Variants in DRC3 observed in about 807,000 individuals in gnomAD.
DRC3 encodes the protein leucine rich repeat containing 48.
DRC3 carries 45 observed loss-of-function variants against 57.6 expected under a neutral mutation model. The ratio of observed to expected loss-of-function variants is 0.78; its 90% CI spans 0.62 to 1.00. The LOEUF (loss-of-function observed/expected upper bound fraction) is 1.00. Among genes scored for constraint, DRC3 ranks in the 50% least tolerant of loss-of-function variants. The probability of loss-of-function intolerance (pLI) is 0.00; values close to 1 mark genes in which losing one functional copy is unlikely to be tolerated. For missense variants in DRC3, 655 were observed against 675.2 expected, an observed-to-expected ratio of 0.97 and a Z score of 0.33; for synonymous variants, 257 against 272.3, an observed-to-expected ratio of 0.94 and a Z score of 0.55.
intron 5 of DRC3, 137 bp from the exon 6 acceptor site, chr17:17,992,628 C>T (rs2043283452): frequency 2.2e-6 from 2 of 910,840 alleles, no homozygotes; most frequent in African/African-American, 3.4e-5. Flanking sequence ...CGCCTGCACA[C>T]TGCCTGTCAC....
At chr17:18,005,417 C>A (rs991436253) in intron 10 of DRC3, 4 of 152,368 alleles carry the variant, frequency 2.6e-5, no homozygotes, top group African/African-American at 9.7e-5. Context: ...CCCCTGCCCA[C>A]CTTGCAGCCC....
chr17:18,005,819 ACT>A, intron 10 of DRC3: 1 of 266,184 alleles, frequency 3.8e-6, no homozygotes, highest in Non-Finnish European at 7.4e-6. Context: ...AGCTCACTCC[ACT>A]GTTTCCCTGG....
intron 4 of DRC3, among the ~76,000 whole-genome samples, chr17:17,985,966 C>T (rs2042937263): frequency 6.6e-6 from 1 of 152,208 alleles, no homozygotes; most frequent in Non-Finnish European, 1.5e-5. Flanking sequence ...GGCTGGAGTG[C>T]AGTGGCACAA....
chr17:18,011,065 C>G, intron 12 of DRC3: 1 of 209,248 alleles, frequency 4.8e-6, no homozygotes, highest in South Asian at 6.2e-5. Context: ...TCAAGTGATT[C>G]TCCTGCCTCA....
At position 18,016,139 on chromosome 17, in the gene DRC3, C is replaced by T. The variant is rs770452171; in HGVS notation, c.1402C>T (p.Arg468Ter). The T allele has an allele frequency of 8.7e-6, 14 of 1,613,754 alleles. No homozygotes were observed. The highest frequency in any genetic ancestry group is 6.7e-5 in the Admixed American group (4 of 59,996). Residue 468 changes from arginine (R) to a stop codon, truncating the protein, a stop_gained, in exon 13 of 14, where the codon CGA (arginine) becomes TGA (stop). Coordinates refer to ENST00000399187, the MANE Select transcript of DRC3 (RefSeq NM_031294.4). LOFTEE classifies it high-confidence loss of function. ...CATCCACCTCCTGAAGATTGACAAT[C>T]GAGAAGATGAGCTGGTGACCAGAAT... Reference protein sequence around the residue: ...HDIHLLKIDNREDELVTRINS... With the variant: ...HDIHLLKIDN
At chr17:17,995,694 G>A (rs2043429324) in intron 8 of DRC3, 1 of 153,886 alleles carries the variant, frequency 6.5e-6, no homozygotes, top group Non-Finnish European at 1.4e-5. Context: ...TGTGAGCTGA[G>A]GGACTCAGGA....
intron 10 of DRC3, chr17:18,005,885 GT>G: frequency 2.6e-6 from 1 of 391,018 alleles, no homozygotes; most frequent in Non-Finnish European, 4.8e-6. Flanking sequence ...TTGGCTGTGT[GT>G]GTGTGTGTTG....
chr17:18,015,352 A>C (rs890319343), intron 12 of DRC3: 1 of 152,242 alleles, frequency 6.6e-6, no homozygotes, highest in East Asian at 1.9e-4. Context: ...CTCTGCTTCA[A>C]GGTGGAAGCA....
chr17:17,980,504 A>G (rs1193399852), intron 3 of DRC3, among the ~76,000 whole-genome samples: 1 of 151,608 alleles, frequency 6.6e-6, no homozygotes, highest in Non-Finnish European at 1.5e-5. Flanking sequence ...CATGTTGCCC[A>G]GGCTGGTTTC....
Position 17,992,811 on chromosome 17 carries a change from C to G in DRC3, c.491C>G (p.Ser164Cys). The change falls in exon 6 of 14, where the codon TCT (serine) becomes TGT (cysteine). Residue 164 changes from serine (S) to cysteine (C), a missense_variant. Coordinates refer to ENST00000399187, the MANE Select transcript of DRC3 (RefSeq NM_031294.4). Reference sequence around the variant, plus strand: ...AAGTGCCTGCGGACGCTCAGCCTCTCTAGGAACCCTATCTCTGAGGCAGAG... The same window carrying G: ...AAGTGCCTGCGGACGCTCAGCCTCTGTAGGAACCCTATCTCTGAGGCAGAG... ...RFKCLRTLSL[S>C]RNPISEAEDY... 6.2e-7 allele frequency: 1 copy of G among 1,613,848 alleles called. No individual in the cohort carries two copies. Among genetic ancestry groups the G allele is most frequent in the Non-Finnish European group, 8.5e-7 (1 of 1,179,796 alleles).
chr17:17,997,339 T>C, intron 8 of DRC3, 121 bp from the exon 9 acceptor site: 3 of 842,844 alleles, frequency 3.6e-6, no homozygotes, highest in Non-Finnish European at 5.4e-6. Flanking sequence ...GACCAGGAGT[T>C]TGAGTCTCAC....
chr17:17,994,567 G>A (rs1432247296), intron 7 of DRC3, 149 bp downstream of exon 7: 1 of 1,180,224 alleles, frequency 8.5e-7, no homozygotes, highest in African/African-American at 1.5e-5. Flanking sequence ...CTCCCTTCCT[G>A]GCTCATCTGC....
At chr17:18,005,989 T>C (rs149662828) in intron 10 of DRC3, 194 bp from the exon 11 acceptor site, 61 of 582,322 alleles carry the variant, frequency 1.0e-4, no homozygotes, top group Non-Finnish European at 1.6e-4. Flanking sequence ...GGAGTTAATA[T>C]GGTTGGAGAA....
Position 18,008,010 on chromosome 17 carries a change from G to A in DRC3, c.1326+863G>A. 4.5e-6 allele frequency: 1 copy of A among 221,092 alleles called. No individual in the cohort carries two copies. Among genetic ancestry groups the A allele is most frequent in the Non-Finnish European group, 7.6e-6 (1 of 131,158 alleles). 13.7% of individuals were successfully genotyped at this position (221,092 alleles called of 1,614,324 possible). A position where few individuals can be genotyped will look rare whatever the true frequency, so the allele number is the denominator to read the frequency against. ...ACACTTTTACACAACACCTTCTAGTGGCTTTCATGACCCCTAGCGTCAGCT... is the reference window on the plus strand; with the variant it reads ...ACACTTTTACACAACACCTTCTAGTAGCTTTCATGACCCCTAGCGTCAGCT... On this transcript the variant is annotated intron_variant, in intron 12 of 13. Transcript: ENST00000399187. The surrounding 1 kb of genome is among the most constrained non-coding windows in gnomAD (Gnocchi z 4.3).
chr17:18,016,293 G>T, intron 13 of DRC3, 98 bp downstream of exon 13: 1 of 1,278,404 alleles, frequency 7.8e-7, no homozygotes, highest in Admixed American at 2.0e-5. Flanking sequence ...ATTAAGGAAT[G>T]AAATGAAGGA....
At chr17:18,007,342 T>G in intron 12 of DRC3, 195 bp downstream of exon 12, 1 of 1,501,276 alleles carries the variant, frequency 6.7e-7, no homozygotes, top group Non-Finnish European at 9.1e-7. Context: ...GGGCACCCAG[T>G]GGGGCCCAGT....
chr17:18,012,460 G>A (rs892009850), intron 12 of DRC3, among the ~76,000 whole-genome samples: 3 of 152,250 alleles, frequency 2.0e-5, no homozygotes, highest in African/African-American at 4.8e-5. Flanking sequence ...CAGACAGGTC[G>A]CTGGAGCTCA....
Position 18,016,828 on chromosome 17 carries a change from A to C in DRC3, c.*157A>C, listed in dbSNP as rs1394838830. ...TTCCCCCACCCCTGGAAAAACTTCCAAAAGTAGAGAAAATAAAGGACTCAT... is the reference window on the plus strand; with the variant it reads ...TTCCCCCACCCCTGGAAAAACTTCCCAAAGTAGAGAAAATAAAGGACTCAT... On this transcript the variant is annotated 3_prime_UTR_variant, in exon 14 of 14. Transcript: ENST00000399187. 2.0e-6 allele frequency: 1 copy of C among 507,984 alleles called. No homozygotes were observed. Among genetic ancestry groups the C allele is most frequent in the African/African-American group, 1.9e-5 (1 of 51,282 alleles). 31.5% of individuals were successfully genotyped at this position (507,984 alleles called of 1,614,324 possible).
At chr17:18,006,934 G>C (rs1038918603) in intron 11 of DRC3, 90 bp from the exon 12 acceptor site, 11 of 1,565,262 alleles carry the variant, frequency 7.0e-6, no homozygotes, top group Non-Finnish European at 9.5e-6. Flanking sequence ...GCTCGCCTTG[G>C]GCCCTTAAAG....
Sources: gnomAD v4.1 joint callset for allele counts (sites outside exome capture counted in the v4.1 genomes callset) on GRCh38, gnomAD v4.1.1 for gene constraint, Gnocchi (gnomAD v3.1) non-coding constraint, MANE v1.5 for transcripts, NCBI Gene and HGNC (gene_info 2026-07-23, HGNC 2026-07-21) for gene names.